The following TLE1 variants were observed in gnomAD, a reference collection of about 807,000 sequenced individuals.
The protein encoded by TLE1 is TLE family member 1, transcriptional corepressor.
Under a neutral mutation model 89.8 loss-of-function variants are expected in TLE1, and 21 were observed. The observed-to-expected ratio is 0.23, with a 90% confidence interval of 0.17 to 0.34. The LOEUF is 0.34. TLE1 is among the 10% of genes least tolerant of loss of function. The probability of loss-of-function intolerance (pLI) is 1.00; values close to 1 mark genes in which losing one functional copy is unlikely to be tolerated. For synonymous variants in TLE1, 447 were observed against 407.6 expected, an observed-to-expected ratio of 1.10 and a Z score of -1.16; for missense variants, 795 against 1,031.2, an observed-to-expected ratio of 0.77 and a Z score of 3.14.
intron 8 of TLE1, among the ~76,000 whole-genome samples, chr9:81,625,692 CTG>C (rs1190163108): frequency 2.0e-5 from 3 of 152,118 alleles, no homozygotes; most frequent in African/African-American, 7.2e-5. Context: ...GATTGGGACT[CTG>C]TATTACTTTA....
At chr9:81,648,501 TG>T (rs1209415595) in intron 6 of TLE1, among the ~76,000 whole-genome samples, 1 of 152,088 alleles carries the variant, frequency 6.6e-6, no homozygotes, top group African/African-American at 2.4e-5. Context: ...ATACATCAAC[TG>T]AAAAAAACAA....
In TLE1 at chr9:81,629,027, C is replaced by A. The variant is rs540362200; in HGVS notation, c.594+4321G>T. ...TCCTCCCTTTTCCAAATAGTGATCA[C>A]ACTAGCTAGGTATTTCAGTGCCTTA... On this transcript the variant is annotated intron_variant, in intron 8 of 19. Coordinates refer to ENST00000376499, the MANE Select transcript of TLE1 (RefSeq NM_005077.5). 1.8e-3 allele frequency among the ~76,000 whole-genome samples: 274 copies of A among 152,284 alleles called. 1 individual carries two copies. The highest frequency in any genetic ancestry group is 1.3e-3 in the Non-Finnish European group (87 of 68,022).
chr9:81,687,954 C>A (rs1283424931), intron 1 of TLE1, among the ~76,000 whole-genome samples: 1 of 152,086 alleles, frequency 6.6e-6, no homozygotes, highest in Non-Finnish European at 1.5e-5. Flanking sequence ...GATATGGCTG[C>A]AGGAGAGAAA....
intron 8 of TLE1, among the ~76,000 whole-genome samples, chr9:81,622,373 C>T (rs768830521): frequency 2.6e-5 from 4 of 152,144 alleles, no homozygotes; most frequent in Non-Finnish European, 4.4e-5. Context: ...CCTTCCAAGC[C>T]CTCCTGCTGT....
Position 81,615,081 on chromosome 9 carries a change from C to CAAAAAA in TLE1, c.918+895_918+900dup, listed in dbSNP as rs34947337. 1.5e-3 allele frequency among the ~76,000 whole-genome samples: 37 copies of CAAAAAA among 25,102 alleles called. 3 individuals are homozygous for CAAAAAA. Among genetic ancestry groups the CAAAAAA allele is most frequent in the South Asian group, 3.5e-3 (1 of 284 alleles). The allele number at this position is 25,102 out of a possible 152,430, so 16.5% of individuals were successfully genotyped here. On this transcript the variant is annotated intron_variant, in intron 11 of 19. Coordinates refer to ENST00000376499, the MANE Select transcript of TLE1 (RefSeq NM_005077.5). Reference sequence around the variant, plus strand: ...TGGGTGACAGAGTGAGACTCCATCTCAAAAAAAAAAAAAAAAAAAAAAAAA... The same window carrying CAAAAAA: ...TGGGTGACAGAGTGAGACTCCATCTCAAAAAAAAAAAAAAAAAAAAAAAAAAAAAAA...
intron 6 of TLE1, among the ~76,000 whole-genome samples, chr9:81,650,738 G>C (rs900449980): frequency 1.4e-4 from 21 of 152,098 alleles, no homozygotes; most frequent in Non-Finnish European, 2.8e-4. Flanking sequence ...CCTGGATCTG[G>C]GGGGAAGAGG....
intron 14 of TLE1, among the ~76,000 whole-genome samples, chr9:81,605,957 A>C (rs2131993128): frequency 6.6e-6 from 1 of 152,330 alleles, no homozygotes; most frequent in South Asian, 2.1e-4. Flanking sequence ...AAAAGTGGGC[A>C]AAGGATATGA....
intron 4 of TLE1, among the ~76,000 whole-genome samples, chr9:81,670,816 T>C (rs1218504356): frequency 1.3e-5 from 2 of 152,044 alleles, no homozygotes; most frequent in Non-Finnish European, 2.9e-5. Context: ...AGTGATACAC[T>C]GACATTGATC....
chr9:81,618,042 C>A (rs113621176), intron 9 of TLE1, among the ~76,000 whole-genome samples: 42 of 151,990 alleles, frequency 2.8e-4, no homozygotes, highest in Admixed American at 2.0e-3. Flanking sequence ...ACAACAACAA[C>A]AAAAAATTCA....
chr9:81,620,798 G>T (rs1037880787), intron 8 of TLE1: 3 of 1,300,588 alleles, frequency 2.3e-6, no homozygotes, highest in Non-Finnish European at 2.0e-6. Context: ...GGCCTCCTTG[G>T]AAATGTGCTT....
rs138798866 is a variant in TLE1, at chr9:81,614,840, G to A, written c.918+1142C>T. On this transcript the variant is annotated intron_variant, in intron 11 of 19. Transcript: ENST00000376499. ...CGGGGCATGCTCTATGACATGCCCC[G>A]ATATTAAGGATCAGTCTACCAGGTA... is the stretch of plus-strand genomic sequence containing the variant. Among the ~76,000 whole-genome samples, 18 of 151,656 alleles carry A rather than the reference G, an allele frequency of 1.2e-4. No homozygotes were observed. The East Asian group carries it at 2.5e-3, about 21-fold the overall frequency.
At chr9:81,653,472 A>C (rs1588132269) in intron 5 of TLE1, among the ~76,000 whole-genome samples, 1 of 152,222 alleles carries the variant, frequency 6.6e-6, no homozygotes, top group East Asian at 1.9e-4. Flanking sequence ...GTAACTAAAC[A>C]AAATAGCTTA....
At chr9:81,683,323 G>A (rs1210490215) in intron 4 of TLE1, among the ~76,000 whole-genome samples, 1 of 151,812 alleles carries the variant, frequency 6.6e-6, no homozygotes, top group Non-Finnish European at 1.5e-5. Context: ...CCATAAAGCA[G>A]GAATAATTTC....
intron 16 of TLE1, among the ~76,000 whole-genome samples, chr9:81,588,841 ACCATGCTGCTTCTTCCT>A (rs1281773338): frequency 6.6e-6 from 1 of 152,172 alleles, no homozygotes; most frequent in East Asian, 1.9e-4. Flanking sequence ...GAAGAAAGTT[ACCATGCTGCTTCTTCCT>A]CCAGGATCCC....
At chr9:81,644,793 A>G (rs569559384) in intron 6 of TLE1, among the ~76,000 whole-genome samples, 1 of 152,024 alleles carries the variant, frequency 6.6e-6, no homozygotes, top group South Asian at 2.1e-4. Context: ...CAGGAGTTTG[A>G]GAACAGCCTG....
At chr9:81,681,441 T>G (rs1292408778) in intron 4 of TLE1, among the ~76,000 whole-genome samples, 1 of 151,414 alleles carries the variant, frequency 6.6e-6, no homozygotes, top group Non-Finnish European at 1.5e-5. Flanking sequence ...TCCCAACTAC[T>G]GAGGAGGCTG....
At chr9:81,677,335 G>A (rs757495523) in intron 4 of TLE1, among the ~76,000 whole-genome samples, 4 of 152,022 alleles carry the variant, frequency 2.6e-5, no homozygotes, top group Non-Finnish European at 4.4e-5. Flanking sequence ...GGAGGCTGAG[G>A]TGGGCAGATC....
intron 8 of TLE1, among the ~76,000 whole-genome samples, chr9:81,625,911 T>TTAAAAAAAA (rs1491491955): frequency 2.7e-4 from 24 of 87,836 alleles, no homozygotes; most frequent in African/African-American, 1.2e-3. Flanking sequence ...CAGAAACTAC[T>TTAAAAAAAA]AAAAAAAAAA....
chr9:81,587,914 G>GTGTGTGTGTGTGTCATCCCGCC (rs1311607449), intron 16 of TLE1, 86 bp from the exon 17 acceptor site: 22,231 of 862,514 alleles, frequency 0.026, 2,049 homozygotes, highest in Middle Eastern at 0.063. Context: ...GACCGTGTGT[G>GTGTGTGTGTGTGTCATCCCGCC]TGTGTGTGTG....
Sources: gnomAD v4.1 joint callset for allele counts (sites outside exome capture counted in the v4.1 genomes callset) on GRCh38, gnomAD v4.1.1 for gene constraint, MANE v1.5 for transcripts, NCBI Gene and HGNC (gene_info 2026-07-23, HGNC 2026-07-21) for gene names.